The following DNAJB14 variants were observed in gnomAD, a reference collection of about 807,000 sequenced individuals.
The protein encoded by DNAJB14 is dnaJ homolog subfamily B member 14.
In DNAJB14, 22 loss-of-function variants were observed where a neutral mutation model predicts 48.4. The ratio of observed to expected loss-of-function variants is 0.45; its 90% confidence interval spans 0.32 to 0.65. DNAJB14 has a LOEUF of 0.65. DNAJB14 is among the 30% of genes least tolerant of loss of function. The probability of loss-of-function intolerance (pLI) is 0.03; values close to 1 mark genes in which losing one functional copy is unlikely to be tolerated. For synonymous variants in DNAJB14, 142 were observed against 158.7 expected, an observed-to-expected ratio of 0.89 and a Z score of 0.79; for missense variants, 319 against 458.8, an observed-to-expected ratio of 0.70 and a Z score of 2.78.
chr4:99,924,623 T>C (rs1726181388), intron 2 of DNAJB14: 2 of 1,007,090 alleles, frequency 2.0e-6, no homozygotes, highest in South Asian at 3.4e-5. Context: ...GCCCAGACAG[T>C]GTTCTAGGCA....
chr4:99,913,178 T>C (rs1210675003), intron 3 of DNAJB14, among the ~76,000 whole-genome samples: 1 of 152,174 alleles, frequency 6.6e-6, no homozygotes, highest in Non-Finnish European at 1.5e-5. Context: ...TTTATTTCCT[T>C]TTTCTCTCTT....
rs1725284159 is a variant in DNAJB14 at position 99,901,208 on chromosome 4, C to T, written c.1016-56G>A. ...GAATAAAATTTTTGTCACCTAGTTGCTTAAGCTCAAGTGATGCTTTACAGG... is the reference window on the plus strand; with the variant it reads ...GAATAAAATTTTTGTCACCTAGTTGTTTAAGCTCAAGTGATGCTTTACAGG... On this transcript the variant is annotated intron_variant, in intron 7 of 7. Coordinates refer to ENST00000442697, the MANE Select transcript of DNAJB14 (RefSeq NM_001031723.4). The T allele has an allele frequency of 2.7e-6, 4 of 1,482,008 alleles. No individual in the cohort carries two copies. The East Asian group carries it at 9.9e-5, about 37-fold the overall frequency. The allele number at this position is 1,482,008 out of a possible 1,614,324, so 91.8% of individuals were successfully genotyped here.
intron 3 of DNAJB14, among the ~76,000 whole-genome samples, chr4:99,915,610 TA>T (rs1725826434): frequency 6.6e-6 from 1 of 152,228 alleles, no homozygotes; most frequent in African/African-American, 2.4e-5. Flanking sequence ...ATGATTTCAA[TA>T]TTTTAAATTA....
chr4:99,945,114 A>G (rs1727022528), intron 1 of DNAJB14, among the ~76,000 whole-genome samples: 1 of 152,180 alleles, frequency 6.6e-6, no homozygotes, highest in South Asian at 2.1e-4. Flanking sequence ...TAAGATGAAA[A>G]AGTTCTGAAG....
chr4:99,928,553 G>C (rs1188707565), intron 2 of DNAJB14: 1 of 440,582 alleles, frequency 2.3e-6, no homozygotes, highest in Non-Finnish European at 4.6e-6. Flanking sequence ...AGAACAAAGA[G>C]GCATCAATGC....
chr4:99,931,387 A>C (rs1726461429), intron 1 of DNAJB14, among the ~76,000 whole-genome samples: 1 of 152,110 alleles, frequency 6.6e-6, no homozygotes, highest in East Asian at 1.9e-4. Context: ...ATAATGGTTC[A>C]AGACAGGTGA....
At chr4:99,918,775 T>C (rs1044356455) in intron 3 of DNAJB14, among the ~76,000 whole-genome samples, 2 of 152,196 alleles carry the variant, frequency 1.3e-5, no homozygotes, top group African/African-American at 2.4e-5. Flanking sequence ...CATAAGGAAA[T>C]GACTTTGTTA....
At chr4:99,918,078 C>T (rs961106771) in intron 3 of DNAJB14, among the ~76,000 whole-genome samples, 1 of 152,148 alleles carries the variant, frequency 6.6e-6, no homozygotes, top group Admixed American at 6.5e-5. Context: ...CCCTCTTTCT[C>T]CCTTTCTTCT....
At chr4:99,911,557 CATT>C (rs35090027) in intron 3 of DNAJB14, among the ~76,000 whole-genome samples, 47,557 of 151,734 alleles carry the variant, frequency 0.31, 8,406 homozygotes, top group African/African-American at 0.49. Context: ...TTGGTATTGT[CATT>C]ATTTTTCACT....
At chr4:99,919,008 C>T (rs1006816510) in intron 3 of DNAJB14, among the ~76,000 whole-genome samples, 11 of 152,102 alleles carry the variant, frequency 7.2e-5, no homozygotes, top group African/African-American at 2.7e-4. Flanking sequence ...TAGAGCATCT[C>T]ATTACAGCAT....
At chr4:99,908,366 A>G (rs1725539738) in intron 4 of DNAJB14, among the ~76,000 whole-genome samples, 2 of 152,252 alleles carry the variant, frequency 1.3e-5, no homozygotes, top group African/African-American at 4.8e-5. Flanking sequence ...GCAATGTCAA[A>G]TAGTTATCCA....
At chr4:99,937,421 T>A (rs772617824) in intron 1 of DNAJB14, among the ~76,000 whole-genome samples, 1 of 151,984 alleles carries the variant, frequency 6.6e-6, no homozygotes, top group Non-Finnish European at 1.5e-5. Flanking sequence ...TCTCCTGATA[T>A]GTTACACTAA....
chr4:99,920,698 G>A (rs1164101702), intron 3 of DNAJB14, among the ~76,000 whole-genome samples: 2 of 152,108 alleles, frequency 1.3e-5, no homozygotes, highest in Non-Finnish European at 2.9e-5. Flanking sequence ...ATAGCTATAT[G>A]AACATATGAG....
At chr4:99,923,913 C>T (rs1181195278) in intron 2 of DNAJB14, 10 of 979,518 alleles carry the variant, frequency 1.0e-5, no homozygotes, top group African/African-American at 1.8e-5. Context: ...AAATATAACA[C>T]GTGACTCAAA....
intron 2 of DNAJB14, chr4:99,924,779 C>T: frequency 1.2e-6 from 2 of 1,609,846 alleles, no homozygotes; most frequent in Non-Finnish European, 1.7e-6. Flanking sequence ...GGTACAGGTC[C>T]ACCATCCCAT....
intron 2 of DNAJB14, chr4:99,923,615 C>A (rs1726142010): frequency 1.0e-6 from 1 of 981,314 alleles, no homozygotes; most frequent in East Asian, 1.1e-4. Context: ...AAATTTTGTT[C>A]TTGCATAATG....
chr4:99,922,020 G>A (rs2110207774), intron 3 of DNAJB14, among the ~76,000 whole-genome samples: 2 of 152,244 alleles, frequency 1.3e-5, no homozygotes, highest in South Asian at 4.1e-4. Context: ...TTGGAGTAAA[G>A]CTTTTCCTGT....
At chr4:99,946,118 G>T (rs1727057929) in intron 1 of DNAJB14, among the ~76,000 whole-genome samples, 1 of 152,230 alleles carries the variant, frequency 6.6e-6, no homozygotes, top group African/African-American at 2.4e-5. Context: ...TACAAATAAA[G>T]CCTCACTGTG....
intron 4 of DNAJB14, among the ~76,000 whole-genome samples, chr4:99,908,078 T>C (rs1725529007): frequency 6.6e-6 from 1 of 152,208 alleles, no homozygotes; most frequent in Non-Finnish European, 1.5e-5. Context: ...AAAAACCTTA[T>C]GTTAAGTGAC....
Sources: allele counts gnomAD v4.1 joint callset (sites outside exome capture counted in the v4.1 genomes callset), GRCh38; gene constraint gnomAD v4.1.1; transcripts MANE v1.5; gene names NCBI Gene and HGNC (gene_info 2026-07-23, HGNC 2026-07-21).